The following MFSD11 variants were observed in gnomAD, a reference collection of about 807,000 sequenced individuals.
MFSD11 encodes the protein major facilitator superfamily domain containing 11, also known as UNC93-like protein MFSD11.
A neutral mutation model predicts 53.5 loss-of-function variants in MFSD11; 36 were observed. The observed-to-expected ratio is 0.67, with a 90% CI of 0.52 to 0.89. The LOEUF is 0.89. MFSD11 is among the 40% of genes least tolerant of loss of function. The pLI, the probability that MFSD11 is intolerant of heterozygous loss-of-function variation, is 0.00. For missense variants in MFSD11, 530 were observed against 543.9 expected, an observed-to-expected ratio of 0.97 and a Z score of 0.25; for synonymous variants, 186 against 184.9, an observed-to-expected ratio of 1.01 and a Z score of -0.05.
At chr17:76,793,357 T>G in the MFSD11 span, among the ~76,000 whole-genome samples, 181 of 151,386 alleles carry the variant, frequency 1.2e-3, 9 homozygotes, top group African/African-American at 4.1e-3. Flanking sequence ...CTGAGAAAAA[T>G]AATTCAGCAA....
At chr17:76,780,521 T>C (rs944691036), downstream of MFSD11, among the ~76,000 whole-genome samples, 1 of 151,280 alleles carries the variant, frequency 6.6e-6, no homozygotes, top group East Asian at 1.9e-4. Flanking sequence ...GTATGTGTTT[T>C]TTTTTTTTTT....
chr17:76,798,659 AAGG>A, the MFSD11 span, among the ~76,000 whole-genome samples: 2 of 152,118 alleles, frequency 1.3e-5, no homozygotes, highest in African/African-American at 2.4e-5. Flanking sequence ...ACATCTAGTA[AAGG>A]TCTGAGCCTC....
intron 8 of MFSD11, among the ~76,000 whole-genome samples, chr17:76,765,766 G>A (rs2080792611): frequency 6.6e-6 from 1 of 151,876 alleles, no homozygotes; most frequent in Non-Finnish European, 1.5e-5. Flanking sequence ...TGAATTTTAG[G>A]ATCAATCTAT....
intron 7 of MFSD11, among the ~76,000 whole-genome samples, chr17:76,745,794 C>T (rs1221019990): frequency 6.8e-6 from 1 of 147,646 alleles, no homozygotes; most frequent in East Asian, 2.0e-4. Context: ...ACATGCATGT[C>T]TCTCACTTTA....
intron 8 of MFSD11, among the ~76,000 whole-genome samples, chr17:76,757,936 A>G (rs970879813): frequency 3.9e-5 from 6 of 151,960 alleles, no homozygotes; most frequent in African/African-American, 1.4e-4. Context: ...CTTGAACCCA[A>G]GAGGCGGAGG....
rs2078709093 is a variant in MFSD11 at position 76,748,084 on chromosome 17, AAG to A, written c.641+3621_641+3622del. ...AAAGTGAGTGTTAGGAAGACTGTGAAAGAGGGGGAGAGTGGGGGGGAGGGGGG... is the reference window on the plus strand; with the variant it reads ...AAAGTGAGTGTTAGGAAGACTGTGAAAGGGGGAGAGTGGGGGGGAGGGGGG... On this transcript the variant is annotated intron_variant, in intron 7 of 12. Coordinates refer to ENST00000685175, the MANE Select transcript of MFSD11 (RefSeq NM_001242532.5). 4.3e-5 allele frequency: 5 copies of A among 115,928 alleles called. No homozygotes were observed. In the South Asian group the frequency reaches 1.7e-3, roughly 40 times the overall value. The allele number at this position is 115,928 out of a possible 1,614,324, so 7.2% of individuals were successfully genotyped here. A position where few individuals can be genotyped will look rare whatever the true frequency, so the allele number is the denominator to read the frequency against.
chr17:76,747,402 T>G (rs2078651770), intron 7 of MFSD11, among the ~76,000 whole-genome samples: 1 of 152,092 alleles, frequency 6.6e-6, no homozygotes, highest in African/African-American at 2.4e-5. Flanking sequence ...TGGCGTAGTC[T>G]TGGCTCACTG....
At position 76,776,542 on chromosome 17, in the gene MFSD11, G is replaced by A. The variant is rs753672156; in HGVS notation, c.1185+1G>A. On this transcript the variant is annotated splice_donor_variant, in intron 12 of 12. Coordinates refer to ENST00000685175, the MANE Select transcript of MFSD11 (RefSeq NM_001242532.5). LOFTEE classifies it high-confidence loss of function. The surrounding 1 kb of genome is among the most constrained non-coding windows in gnomAD (Gnocchi z 4.2). The stretch of plus-strand genomic sequence containing the variant: ...ATTTGCCATCTTCAAGTTTGTTCAG[G>A]TAACCTCTTCAGATTGTGATTGTGT... The A allele has an allele frequency of 3.7e-6, 6 of 1,613,634 alleles. No individual in the cohort carries two copies. The Admixed American group carries it at 6.7e-5, about 18-fold the overall frequency.
At chr17:76,755,812 A>ATATATATTTTT (rs1555669398) in intron 8 of MFSD11, among the ~76,000 whole-genome samples, 1 of 19,518 alleles carries the variant, frequency 5.1e-5, no homozygotes, top group African/African-American at 1.6e-4. Context: ...ATATATATAT[A>ATATATATTTTT]TTTTTTTTTT....
At chr17:76,803,241 A>G in the MFSD11 span, among the ~76,000 whole-genome samples, 1 of 152,298 alleles carries the variant, frequency 6.6e-6, no homozygotes, top group East Asian at 1.9e-4. Context: ...TAACTGAGAC[A>G]GTGAAAGAGA....
chr17:76,767,402 A>T lies in MFSD11; in HGVS notation c.699A>T (p.Leu233Phe), dbSNP rs755699141. 1.3e-6 allele frequency: 2 copies of T among 1,599,746 alleles called. No individual in the cohort carries two copies. The highest frequency in any genetic ancestry group is 3.4e-5 in the Admixed American group (2 of 59,568). The part of the protein sequence containing the change: ...AVDAFKKSFK[L>F]CVTKEMLLLS... ...TGTTTACAGAAAAGTCTTTTAAGTT[A>T]TGTGTCACCAAGGAGATGCTCCTTC... The change falls in exon 9 of 13, where the codon TTA becomes TTT. Residue 233 changes from leucine to phenylalanine, a missense_variant. By Grantham distance (22) the Leu-to-Phe change is conservative. Coordinates refer to ENST00000685175, the MANE Select transcript of MFSD11 (RefSeq NM_001242532.5).
chr17:76,747,460 G>A (rs1415759379), intron 7 of MFSD11, among the ~76,000 whole-genome samples: 2 of 151,908 alleles, frequency 1.3e-5, no homozygotes, highest in Non-Finnish European at 1.5e-5. Context: ...TCAGCCTCCC[G>A]AGTAGCTGGG....
At chr17:76,753,463 A>G (rs1401812698) in intron 7 of MFSD11, among the ~76,000 whole-genome samples, 1 of 152,132 alleles carries the variant, frequency 6.6e-6, no homozygotes, top group Non-Finnish European at 1.5e-5. Context: ...ACTTGAGCTC[A>G]GAAGTTCAAG....
At chr17:76,785,604 G>A (rs2082265115), downstream of MFSD11, among the ~76,000 whole-genome samples, 1 of 152,114 alleles carries the variant, frequency 6.6e-6, no homozygotes, top group South Asian at 2.1e-4. Flanking sequence ...CTCCCAAAGT[G>A]CTGGGATTAC....
intron 7 of MFSD11, 81 bp from the exon 8 acceptor site, chr17:76,753,966 A>G: frequency 8.2e-7 from 1 of 1,218,090 alleles, no homozygotes; most frequent in East Asian, 2.5e-5. Flanking sequence ...GTTTTTACGA[A>G]CGTAAATGAA....
chr17:76,793,262 T>C, the MFSD11 span, among the ~76,000 whole-genome samples: 1 of 151,294 alleles, frequency 6.6e-6, no homozygotes, highest in Non-Finnish European at 1.5e-5. Flanking sequence ...CCCTACAGTT[T>C]CGACCATAGA....
chr17:76,736,665 G>C (rs1316282054), upstream of MFSD11: 3 of 1,212,598 alleles, frequency 2.5e-6, no homozygotes, highest in Non-Finnish European at 3.2e-6. Context: ...GGTGGCCGGA[G>C]GGTCGCGAGA....
In MFSD11 at chr17:76,744,328, A is replaced by G; in HGVS notation, c.503A>G (p.Asp168Gly). 2 of 1,609,288 alleles carry G rather than the reference A, an allele frequency of 1.2e-6. No homozygotes were observed. Among genetic ancestry groups the G allele is most frequent in the Non-Finnish European group, 1.7e-6 (2 of 1,178,690 alleles). The change falls in exon 7 of 13, where the codon GAC (aspartate) becomes GGC (glycine). Residue 168 changes from aspartate (D) to glycine (G), a missense_variant. Asp to Gly is a moderately conservative substitution (Grantham distance 94). Coordinates refer to ENST00000685175, the MANE Select transcript of MFSD11 (RefSeq NM_001242532.5). Reference sequence around the variant, plus strand: ...TCTTCTTTTTTCTCCGTAGAGAGTGACCGAAGAACAGTGTTTATTGCCCTA... The same window carrying G: ...TCTTCTTTTTTCTCCGTAGAGAGTGGCCGAAGAACAGTGTTTATTGCCCTA... ...WQGKTQISES[D>G]RRTVFIALTV...
chr17:76,774,328 A>C (rs1007829462), intron 10 of MFSD11, among the ~76,000 whole-genome samples: 1 of 152,204 alleles, frequency 6.6e-6, no homozygotes, highest in Admixed American at 6.5e-5. Flanking sequence ...GCCTCAAGCA[A>C]TTCTCCCACC....
Sources: gnomAD v4.1 joint callset for allele counts (sites outside exome capture counted in the v4.1 genomes callset) on GRCh38, gnomAD v4.1.1 for gene constraint, Gnocchi (gnomAD v3.1) non-coding constraint, MANE v1.5 for transcripts, NCBI Gene and HGNC (gene_info 2026-07-23, HGNC 2026-07-21) for gene names.